ICE2: variants seen among roughly 807,000 people sequenced by gnomAD.
The protein encoded by ICE2 is interactor of little elongation complex ELL subunit 2, also known as little elongation complex subunit 2.
Under a neutral mutation model 105.4 loss-of-function variants are expected in ICE2, and 87 were observed. The observed-to-expected ratio is 0.83, with a 90% confidence interval of 0.69 to 0.99. The LOEUF (loss-of-function observed/expected upper bound fraction) is 0.99. Ranked by LOEUF, ICE2 falls within the 50% of genes least tolerant of loss-of-function variation. The pLI is 0.00. For synonymous variants in ICE2, 399 were observed against 392.0 expected (o/e 1.02, Z -0.21); for missense variants, 1,323 against 1,146.7 (o/e 1.15, Z -2.22).
At chr15:60,469,286 G>A (rs147363660) in intron 3 of ICE2, among the ~76,000 whole-genome samples, 2 of 152,104 alleles carry the variant, frequency 1.3e-5, no homozygotes, top group Admixed American at 6.5e-5. Context: ...ACACATGGGC[G>A]TGTTGCGGGG....
intron 13 of ICE2, among the ~76,000 whole-genome samples, chr15:60,435,081 A>G (rs2063553364): frequency 6.8e-6 from 1 of 146,472 alleles, no homozygotes; most frequent in Non-Finnish European, 1.5e-5. Context: ...AGGAGATGAG[A>G]CCATCCTGGC....
chr15:60,471,170 A>G (rs546115441), intron 3 of ICE2, among the ~76,000 whole-genome samples: 21 of 152,326 alleles, frequency 1.4e-4, no homozygotes, highest in African/African-American at 5.1e-4. Context: ...CAAAGAGCTG[A>G]TAAGGGGATG....
At chr15:60,453,404 C>T in intron 9 of ICE2, 199 bp downstream of exon 9, 1 of 1,366,556 alleles carries the variant, frequency 7.3e-7, no homozygotes, top group Non-Finnish European at 9.4e-7. Flanking sequence ...TACTTCCTTT[C>T]ATGTATGAAA....
At chr15:60,474,818 A>G (rs2064711091) in intron 3 of ICE2, among the ~76,000 whole-genome samples, 1 of 152,162 alleles carries the variant, frequency 6.6e-6, no homozygotes, top group Non-Finnish European at 1.5e-5. Flanking sequence ...AAACTTGAGC[A>G]TGTTCAAATA....
At chr15:60,477,608 TA>T (rs2064801344) in intron 2 of ICE2, among the ~76,000 whole-genome samples, 1 of 152,220 alleles carries the variant, frequency 6.6e-6, no homozygotes, top group African/African-American at 2.4e-5. Flanking sequence ...TCTTTTTTAT[TA>T]CTTGTATGGA....
intron 3 of ICE2, among the ~76,000 whole-genome samples, chr15:60,473,252 T>TTG (rs1223475801): frequency 4.0e-5 from 6 of 151,694 alleles, no homozygotes; most frequent in East Asian, 3.9e-4. Flanking sequence ...CCAAGATTAT[T>TTG]TGTGTGTGTG....
At chr15:60,446,536 C>T (rs1194524610) in intron 11 of ICE2, among the ~76,000 whole-genome samples, 1 of 152,286 alleles carries the variant, frequency 6.6e-6, no homozygotes, top group African/African-American at 2.4e-5. Context: ...GCTGGGACTA[C>T]AGGCGCCTGC....
chr15:60,478,291 C>T (rs1177417171), intron 1 of ICE2, among the ~76,000 whole-genome samples: 4 of 152,180 alleles, frequency 2.6e-5, no homozygotes, highest in Admixed American at 6.5e-5. Context: ...TCAGGACACT[C>T]ACTATGGAAA....
At chr15:60,461,919 G>A (rs901388654) in intron 5 of ICE2, among the ~76,000 whole-genome samples, 6 of 152,174 alleles carry the variant, frequency 3.9e-5, no homozygotes, top group African/African-American at 1.2e-4. Context: ...AAGCCAGTAG[G>A]AAGAGCCTCT....
At position 60,455,116 on chromosome 15, in the gene ICE2, T is replaced by C; in HGVS notation, c.830A>G (p.His277Arg). Residue 277 changes from histidine (H) to arginine (R), a missense_variant, in exon 8 of 16, where the codon CAC (histidine) becomes CGC (arginine). Physicochemically the swap from His to Arg is conservative, Grantham distance 29 (BLOSUM62 0). Transcript: ENST00000261520. ...PNAEKLVSRY[H>R]PQIALTSQSL... ...CTGACTAGTTAGAGCTATCTGAGGG[T>C]GATATCTGGAAACAAGCTTCTCTGC... is the stretch of plus-strand genomic sequence containing the variant. The C allele has an allele frequency of 6.3e-7, 1 of 1,591,794 alleles. No homozygotes were observed. The highest frequency in any genetic ancestry group is 8.5e-7 in the Non-Finnish European group (1 of 1,173,644).
intron 12 of ICE2, chr15:60,440,687 C>G (rs1170478921): frequency 1.3e-5 from 2 of 152,110 alleles, no homozygotes; most frequent in African/African-American, 4.8e-5. Flanking sequence ...AAAAGCACTT[C>G]AAGTGATTTT....
intron 5 of ICE2, among the ~76,000 whole-genome samples, chr15:60,459,468 A>C (rs954577380): frequency 6.6e-6 from 1 of 152,204 alleles, no homozygotes; most frequent in African/African-American, 2.4e-5. Context: ...CCAAATAAAC[A>C]AAAATGGAGA....
At chr15:60,446,556 C>A (rs541617766) in intron 11 of ICE2, among the ~76,000 whole-genome samples, 24 of 152,106 alleles carry the variant, frequency 1.6e-4, no homozygotes, top group African/African-American at 5.8e-4. Flanking sequence ...CCACCATACC[C>A]GGCTAATTTT....
intron 9 of ICE2, 192 bp downstream of exon 9, chr15:60,453,411 G>C: frequency 1.5e-6 from 2 of 1,373,916 alleles, no homozygotes; most frequent in Non-Finnish European, 1.9e-6. Context: ...TTTCATGTAT[G>C]AAAGGAGAAA....
At chr15:60,442,644 G>A in intron 11 of ICE2, 99 bp from the exon 12 acceptor site, 1 of 887,582 alleles carries the variant, frequency 1.1e-6, no homozygotes, top group Non-Finnish European at 1.7e-6. Flanking sequence ...AATGCTTTCA[G>A]GTAATCTTAT....
chr15:60,469,430 C>A (rs2064522710), intron 3 of ICE2, among the ~76,000 whole-genome samples: 1 of 152,002 alleles, frequency 6.6e-6, no homozygotes, highest in Admixed American at 6.5e-5. Context: ...GCATCCTGCA[C>A]ATGCACCCTG....
In ICE2 at chr15:60,468,297, A is replaced by G; in HGVS notation, c.172T>C (p.Ser58Pro). Residue 58 changes from serine (S) to proline (P), a missense_variant, in exon 4 of 16, where the codon TCA becomes CCA. By Grantham distance (74) the Ser-to-Pro change is moderately conservative. Coordinates refer to ENST00000261520, the MANE Select transcript of ICE2 (RefSeq NM_024611.6). Reference sequence around the variant, plus strand: ...GGCTCATTTTCTACAGAACTTGCTGAGGCATTCAAATTTTCTCCTATACGT... The same window carrying G: ...GGCTCATTTTCTACAGAACTTGCTGGGGCATTCAAATTTTCTCCTATACGT... ...NRRIGENLNASASSVENEPAV... is the reference protein window; with the variant it reads ...NRRIGENLNAPASSVENEPAV... The G allele has an allele frequency of 6.2e-7, 1 of 1,608,090 alleles. No homozygotes were observed. Among genetic ancestry groups the G allele is most frequent in the South Asian group, 1.1e-5 (1 of 90,686 alleles).
At position 60,442,483 on chromosome 15, in the gene ICE2, C is replaced by G. The variant is rs776089973; in HGVS notation, c.2358G>C (p.Leu786=). 31 of 1,599,330 alleles carry G rather than the reference C, an allele frequency of 1.9e-5. No homozygotes were observed. Among genetic ancestry groups the G allele is most frequent in the Non-Finnish European group, 2.4e-5 (28 of 1,177,024 alleles). The change falls in exon 12 of 16, where the codon CTG becomes CTC. Residue 786 remains leucine, a synonymous_variant. Coordinates refer to ENST00000261520, the MANE Select transcript of ICE2 (RefSeq NM_024611.6). ...ATAAGCGACAAAGTTCACTTTCAGT[C>G]AGAGCTTCAACTCCATAACAAGCTT... ...EYQACYGVEA[L]TESELCRLWT...
chr15:60,449,461 C>G lies in ICE2; in HGVS notation c.1506G>C (p.Leu502Phe). 1 of 1,614,072 alleles carries G rather than the reference C, an allele frequency of 6.2e-7. No homozygotes were observed. The highest frequency in any genetic ancestry group is 8.5e-7 in the Non-Finnish European group (1 of 1,180,008). ...CEKVSNSDKP[L>F]IQDSDLKTSD... The stretch of plus-strand genomic sequence containing the variant: ...ATGTTTTCAAGTCACTATCTTGTAT[C>G]AAAGGCTTGTCAGAATTTGATACCT... The change falls in exon 10 of 16, where the codon TTG becomes TTC. Residue 502 changes from leucine to phenylalanine, a missense_variant. Leu to Phe is a conservative substitution (Grantham distance 22). Transcript: ENST00000261520.
Sources: gnomAD v4.1 joint callset for allele counts (sites outside exome capture counted in the v4.1 genomes callset) on GRCh38, gnomAD v4.1.1 for gene constraint, MANE v1.5 for transcripts, NCBI Gene and HGNC (gene_info 2026-07-23, HGNC 2026-07-21) for gene names.